The following PKNOX2 variants were observed in gnomAD, a reference collection of about 807,000 sequenced individuals.
PKNOX2 encodes the protein PBX/knotted 1 homeobox 2, also known as homeobox protein PKNOX2.
A neutral mutation model predicts 53.1 loss-of-function variants in PKNOX2; 14 were observed. The observed-to-expected ratio is 0.26, with a 90% CI of 0.17 to 0.41. PKNOX2 has a LOEUF of 0.41. Ranked by LOEUF, PKNOX2 falls within the 10% of genes least tolerant of loss-of-function variation. The pLI is 1.00. For missense variants in PKNOX2, 496 were observed against 602.8 expected, an observed-to-expected ratio of 0.82 and a Z score of 1.85; for synonymous variants, 257 against 242.8, an observed-to-expected ratio of 1.06 and a Z score of -0.54.
intron 2 of PKNOX2, among the ~76,000 whole-genome samples, chr11:125,257,007 G>GT (rs71042484): frequency 0.24 from 35,638 of 146,056 alleles, 5,196 homozygotes; most frequent in Non-Finnish European, 0.34. Flanking sequence ...TCTGTGTAGG[G>GT]TTTTTTTTTT....
chr11:125,236,595 C>T (rs1056137400), intron 2 of PKNOX2, among the ~76,000 whole-genome samples: 1 of 152,192 alleles, frequency 6.6e-6, no homozygotes, highest in Non-Finnish European at 1.5e-5. Flanking sequence ...CTCTGGCCAC[C>T]ACACCCAGGA....
Position 125,186,105 on chromosome 11 carries a change from T to G in PKNOX2, c.-201+21329T>G, listed in dbSNP as rs372284504. On this transcript the variant is annotated intron_variant, in intron 1 of 12. Transcript: ENST00000298282. The stretch of plus-strand genomic sequence containing the variant: ...CTCATTGTGAAGATAGAATGTGAAG[T>G]GGTATCTCGTTATGGTTTGATTTTC... Among the ~76,000 whole-genome samples the G allele has an allele frequency of 1.5e-4, 9 of 61,530 alleles. No homozygotes were observed. The South Asian group carries it at 4.1e-3, about 28-fold the overall frequency. 40.4% of individuals were successfully genotyped at this position (61,530 alleles called of 152,430 possible).
chr11:125,264,779 G>T (rs1188906811), intron 2 of PKNOX2, among the ~76,000 whole-genome samples: 1 of 151,752 alleles, frequency 6.6e-6, no homozygotes, highest in Non-Finnish European at 1.5e-5. Flanking sequence ...GGGAACAGGT[G>T]TGGAGTAGTT....
intron 1 of PKNOX2, among the ~76,000 whole-genome samples, chr11:125,186,176 C>T (rs893842371): frequency 2.6e-5 from 4 of 152,208 alleles, no homozygotes; most frequent in African/African-American, 9.6e-5. Context: ...CATTATTGGA[C>T]ATTTGTATAT....
At chr11:125,316,542 A>G (rs1197592710) in intron 2 of PKNOX2, among the ~76,000 whole-genome samples, 1 of 152,220 alleles carries the variant, frequency 6.6e-6, no homozygotes, top group Non-Finnish European at 1.5e-5. Flanking sequence ...CCACCACAAT[A>G]AAGACAATAT....
At chr11:125,287,277 C>T (rs1946966908) in intron 2 of PKNOX2, among the ~76,000 whole-genome samples, 2 of 152,160 alleles carry the variant, frequency 1.3e-5, no homozygotes, top group African/African-American at 4.8e-5. Context: ...AACCACAACA[C>T]CGTGCTGTTT....
At chr11:125,187,574 A>T (rs1472139828) in intron 1 of PKNOX2, among the ~76,000 whole-genome samples, 1 of 151,984 alleles carries the variant, frequency 6.6e-6, no homozygotes, top group Non-Finnish European at 1.5e-5. Context: ...TTTCTTGTGG[A>T]TTCTTTTGGA....
intron 10 of PKNOX2, among the ~76,000 whole-genome samples, chr11:125,425,341 G>A (rs1454356515): frequency 6.6e-6 from 1 of 152,240 alleles, no homozygotes; most frequent in Admixed American, 6.5e-5. Flanking sequence ...AGCTGTCCCT[G>A]AGAAGGCTCT....
intron 2 of PKNOX2, among the ~76,000 whole-genome samples, chr11:125,319,628 C>T (rs1949402656): frequency 6.6e-6 from 1 of 152,170 alleles, no homozygotes; most frequent in South Asian, 2.1e-4. Flanking sequence ...ACAGGCATTA[C>T]TCAAATAATC....
At chr11:125,193,303 G>A (rs745600323) in intron 1 of PKNOX2, among the ~76,000 whole-genome samples, 25 of 152,252 alleles carry the variant, frequency 1.6e-4, no homozygotes, top group African/African-American at 2.2e-4. Flanking sequence ...GTATCTGCGC[G>A]GCAGAAAGCC....
chr11:125,173,855 C>T (rs1955508096), intron 1 of PKNOX2, among the ~76,000 whole-genome samples: 1 of 152,202 alleles, frequency 6.6e-6, no homozygotes, highest in Non-Finnish European at 1.5e-5. Context: ...CCGACAAACA[C>T]CAAGGGGAGT....
chr11:125,212,325 G>A (rs12788937), intron 1 of PKNOX2, among the ~76,000 whole-genome samples: 31,195 of 152,024 alleles, frequency 0.21, 3,492 homozygotes, highest in African/African-American at 0.26. Flanking sequence ...GGAAATCTCC[G>A]GGCAGGAGTG....
intron 1 of PKNOX2, among the ~76,000 whole-genome samples, chr11:125,170,909 TA>T (rs1338967268): frequency 2.0e-5 from 3 of 151,622 alleles, no homozygotes; most frequent in Non-Finnish European, 4.4e-5. Context: ...TTCTGCTTAG[TA>T]GGAACGTGGC....
chr11:125,266,929 G>A (rs1591505294), intron 2 of PKNOX2: 1 of 152,218 alleles, frequency 6.6e-6, no homozygotes, highest in African/African-American at 2.4e-5. Context: ...TTGTGCTAGG[G>A]CCTTAGGAAT....
chr11:125,342,323 C>T (rs768432292), intron 3 of PKNOX2, among the ~76,000 whole-genome samples: 1 of 152,122 alleles, frequency 6.6e-6, no homozygotes, highest in African/African-American at 2.4e-5. Flanking sequence ...AGGTGGAATG[C>T]GTAGGCTTCA....
At chr11:125,238,240 G>A (rs1942882976) in intron 2 of PKNOX2, among the ~76,000 whole-genome samples, 1 of 152,200 alleles carries the variant, frequency 6.6e-6, no homozygotes, top group African/African-American at 2.4e-5. Context: ...AGCTGAGAAT[G>A]GCTAACACCA....
intron 2 of PKNOX2, among the ~76,000 whole-genome samples, chr11:125,243,811 A>C (rs1231575979): frequency 2.0e-5 from 3 of 151,758 alleles, no homozygotes; most frequent in African/African-American, 7.3e-5. Flanking sequence ...TTTAGTAGAG[A>C]CGGGGTTTCA....
At position 125,224,420 on chromosome 11, in the gene PKNOX2, GC is replaced by G. The variant is rs1346574512; in HGVS notation, c.-200-10624del. On this transcript the variant is annotated intron_variant, in intron 1 of 12. Transcript: ENST00000298282. ...CTCGGAGGAGCCATGCGCAGGTGAG[GC>G]AGGCAGATGGCCGTGCAGTCAGGGT... Among the ~76,000 whole-genome samples the G allele has an allele frequency of 2.0e-5, 3 of 152,214 alleles. No individual in the cohort carries two copies. In the South Asian group the frequency reaches 6.2e-4, roughly 32 times the overall value.
At chr11:125,323,278 A>G (rs1949633108) in intron 2 of PKNOX2, among the ~76,000 whole-genome samples, 1 of 152,180 alleles carries the variant, frequency 6.6e-6, no homozygotes, top group Non-Finnish European at 1.5e-5. Context: ...GTCCTTTCAA[A>G]TACCAACTCT....
Sources: gnomAD v4.1 joint callset for allele counts (sites outside exome capture counted in the v4.1 genomes callset) on GRCh38, gnomAD v4.1.1 for gene constraint, MANE v1.5 for transcripts, NCBI Gene and HGNC (gene_info 2026-07-23, HGNC 2026-07-21) for gene names.